The following TRMT13 variants were observed in gnomAD, a reference collection of about 807,000 sequenced individuals.
The protein encoded by TRMT13 is tRNA methyltransferase 13.
Under a neutral mutation model 55.9 loss-of-function variants are expected in TRMT13, and 45 were observed. That is an observed-to-expected ratio of 0.80 (90% CI 0.63 to 1.03). The LOEUF is 1.03. Among genes scored for constraint, TRMT13 ranks in the 50% least tolerant of loss-of-function variants. TRMT13 has a pLI of 0.00. For synonymous variants in TRMT13, 183 were observed against 196.3 expected, an observed-to-expected ratio of 0.93 and a Z score of 0.57; for missense variants, 513 against 563.9, an observed-to-expected ratio of 0.91 and a Z score of 0.91.
Position 100,143,125 on chromosome 1 carries a change from C to A in TRMT13, c.670-12C>A. On this transcript the variant is annotated splice_polypyrimidine_tract_variant and intron_variant, in intron 7 of 10. Transcript: ENST00000370141. ...AAGAAGTGATTATTACAATAATGTTCTGTTTGTGCAGGTGGATGGAAAACA... is the reference window on the plus strand; with the variant it reads ...AAGAAGTGATTATTACAATAATGTTATGTTTGTGCAGGTGGATGGAAAACA... 6.3e-7 allele frequency: 1 copy of A among 1,583,932 alleles called. No individual in the cohort carries two copies. Among genetic ancestry groups the A allele is most frequent in the Non-Finnish European group, 8.6e-7 (1 of 1,156,766 alleles).
Position 100,149,229 on chromosome 1 carries a change from C to T in TRMT13, c.*409C>T, listed in dbSNP as rs561592859. 16 of 1,494,362 alleles carry T rather than the reference C, an allele frequency of 1.1e-5. No individual in the cohort carries two copies. The highest frequency in any genetic ancestry group is 8.9e-7 in the Non-Finnish European group (1 of 1,128,528). The allele number at this position is 1,494,362 out of a possible 1,614,324, so 92.6% of individuals were successfully genotyped here. ...TTCAAGAGGTAGTGATTGATTGTAA[C>T]AAGGGCCAATCTGAGAATTTGACTT... On this transcript the variant is annotated 3_prime_UTR_variant, in exon 11 of 11. Transcript: ENST00000370141.
rs1480462403 is a variant in TRMT13 at position 100,133,210 on chromosome 1, A to C, written c.42A>C (p.Pro14=). The stretch of plus-strand genomic sequence containing the variant: ...CGTCGCCGCACGCGCCTGGTTTTCC[A>C]GCTGAGGGTAGATGCGGTTACTATG... ...SATSPHAPGF[P]AEGRCGYYVE... The change falls in exon 1 of 11, where the codon CCA becomes CCC. Residue 14 remains proline (P), a synonymous_variant. Transcript: ENST00000370141. The C allele has an allele frequency of 1.2e-6, 2 of 1,614,184 alleles. No individual in the cohort carries two copies. Among genetic ancestry groups the C allele is most frequent in the Non-Finnish European group, 1.7e-6 (2 of 1,180,032 alleles).
chr1:100,146,120 C>A (rs1455340637), intron 9 of TRMT13, among the ~76,000 whole-genome samples: 1 of 152,170 alleles, frequency 6.6e-6, no homozygotes, highest in African/African-American at 2.4e-5. Flanking sequence ...CACCTACTCA[C>A]CCAAACAAAA....
At chr1:100,147,205 T>A (rs1657380267) in intron 9 of TRMT13, among the ~76,000 whole-genome samples, 1 of 152,222 alleles carries the variant, frequency 6.6e-6, no homozygotes, top group Non-Finnish European at 1.5e-5. Context: ...TATTTAGTTT[T>A]AAAATATACT....
Position 100,150,228 on chromosome 1 carries a change from T to C in TRMT13, c.*1408T>C, listed in dbSNP as rs984792132. 7 of 152,152 alleles carry C rather than the reference T, an allele frequency of 4.6e-5. No homozygotes were observed. Among genetic ancestry groups the C allele is most frequent in the Admixed American group, 2.0e-4 (3 of 15,272 alleles). The allele number at this position is 152,152 out of a possible 1,614,324, so 9.4% of individuals were successfully genotyped here. A position where few individuals can be genotyped will look rare whatever the true frequency, so the allele number is the denominator to read the frequency against. On this transcript the variant is annotated 3_prime_UTR_variant, in exon 11 of 11. Coordinates refer to ENST00000370141, the MANE Select transcript of TRMT13 (RefSeq NM_019083.3). ...AACTAGTAATAGTAGTGGTAGTAAC[T>C]CGTGAATCTTTTTAATAACATAATA...
chr1:100,135,956 A>G (rs975949670), intron 1 of TRMT13, among the ~76,000 whole-genome samples: 3 of 152,186 alleles, frequency 2.0e-5, no homozygotes, highest in Admixed American at 6.5e-5. Context: ...TTGTGTTACA[A>G]TTGCCTACAG....
Position 100,147,908 on chromosome 1 carries a change from T to C in TRMT13, c.832T>C (p.Cys278Arg). 1 of 1,601,364 alleles carries C rather than the reference T, an allele frequency of 6.2e-7. No homozygotes were observed. ...CGMATDLALR[C>R]LVETYAASFE... is the part of the protein sequence containing the mutation. ...TGTGTTTGCAGATCTTGCATTACGATGTTTGGTTGAAACCTATGCTGCCAG... is the reference window on the plus strand; with the variant it reads ...TGTGTTTGCAGATCTTGCATTACGACGTTTGGTTGAAACCTATGCTGCCAG... The change falls in exon 10 of 11, where the codon TGT becomes CGT. Residue 278 changes from cysteine (C) to arginine (R), a missense_variant. Cys to Arg is a radical substitution (Grantham distance 180, BLOSUM62 -3). Around this residue, in one of 3 missense-constraint regions of TRMT13, gnomAD observed 209 missense variants for 255.8 expected, o/e 0.82. Coordinates refer to ENST00000370141, the MANE Select transcript of TRMT13 (RefSeq NM_019083.3).
intron 9 of TRMT13, among the ~76,000 whole-genome samples, chr1:100,144,766 C>T (rs1557913157): frequency 2.0e-5 from 3 of 152,108 alleles, no homozygotes; most frequent in African/African-American, 7.2e-5. Flanking sequence ...TAATAATTTA[C>T]CGGGTTGCAT....
At position 100,147,981 on chromosome 1, in the gene TRMT13, A is replaced by T; in HGVS notation, c.905A>T (p.Asp302Val). 6.2e-7 allele frequency: 1 copy of T among 1,614,164 alleles called. No homozygotes were observed. The highest frequency in any genetic ancestry group is 8.5e-7 in the Non-Finnish European group (1 of 1,180,034). Residue 302 changes from aspartate to valine, a missense_variant, in exon 10 of 11, where the codon GAT (aspartate) becomes GTT (valine). Coordinates refer to ENST00000370141, the MANE Select transcript of TRMT13 (RefSeq NM_019083.3). ...CCTTTAGCCAAACGCATAAAGAATG[A>T]TAAAACAGAAAAAGAAATTTACACT... is the stretch of plus-strand genomic sequence containing the variant. ...EEPLAKRIKN[D>V]KTEKEIYTLA...
intron 8 of TRMT13, among the ~76,000 whole-genome samples, chr1:100,143,501 T>C (rs1288887789): frequency 6.6e-6 from 1 of 152,212 alleles, no homozygotes; most frequent in Non-Finnish European, 1.5e-5. Context: ...TAAATTAATT[T>C]TGAGTCTGTT....
At chr1:100,147,615 T>G (rs1281478193) in intron 9 of TRMT13, among the ~76,000 whole-genome samples, 1 of 152,176 alleles carries the variant, frequency 6.6e-6, no homozygotes, top group Non-Finnish European at 1.5e-5. Flanking sequence ...ATTCAGGTAG[T>G]TGGGTAAAAG....
chr1:100,143,946 A>G, intron 8 of TRMT13, 123 bp from the exon 9 acceptor site: 1 of 739,164 alleles, frequency 1.4e-6, no homozygotes. Flanking sequence ...CCATAAAGTG[A>G]TAATTTTTGT....
At chr1:100,137,128 G>A in intron 3 of TRMT13, 43 bp downstream of exon 3, 2 of 1,489,676 alleles carry the variant, frequency 1.3e-6, no homozygotes, top group Non-Finnish European at 1.9e-6. Context: ...AATGTGGTAT[G>A]TAATGCCTTG....
In TRMT13 at chr1:100,133,200, C is replaced by T. The variant is rs188042750; in HGVS notation, c.32C>T (p.Pro11Leu). 19 of 1,614,108 alleles carry T rather than the reference C, an allele frequency of 1.2e-5. 1 individual carries two copies. In the Admixed American group the frequency reaches 1.7e-4, roughly 14 times the overall value. The part of the protein sequence containing the change: MATSATSPHA[P>L]GFPAEGRCGY... ...ACCTCCGCGACGTCGCCGCACGCGCCTGGTTTTCCAGCTGAGGGTAGATGC... is the reference window on the plus strand; with the variant it reads ...ACCTCCGCGACGTCGCCGCACGCGCTTGGTTTTCCAGCTGAGGGTAGATGC... Residue 11 changes from proline to leucine, a missense_variant, in exon 1 of 11, where the codon CCT (proline) becomes CTT (leucine). Pro to Leu is a moderately conservative substitution (Grantham distance 98). Around this residue, in one of 3 missense-constraint regions of TRMT13, gnomAD observed 298 missense variants for 290.3 expected, o/e 1.03. Transcript: ENST00000370141.
rs774156521 is a variant in TRMT13, at chr1:100,143,236, T to C, written c.742+27T>C. The C allele has an allele frequency of 2.8e-6, 4 of 1,452,510 alleles. No individual in the cohort carries two copies. In the Admixed American group the frequency reaches 6.9e-5, roughly 25 times the overall value. 90.0% of individuals were successfully genotyped at this position (1,452,510 alleles called of 1,614,324 possible). A position where few individuals can be genotyped will look rare whatever the true frequency, so the allele number is the denominator to read the frequency against. On this transcript the variant is annotated intron_variant, in intron 8 of 10. Transcript: ENST00000370141. Reference sequence around the variant, plus strand: ...TAAGTTGTGTAACTTTCCATTGGTCTACAAATAAATCATAACTGTTTTAAA... The same window carrying C: ...TAAGTTGTGTAACTTTCCATTGGTCCACAAATAAATCATAACTGTTTTAAA...
chr1:100,143,262 C>A, intron 8 of TRMT13, 53 bp downstream of exon 8: 1 of 1,204,192 alleles, frequency 8.3e-7, no homozygotes, highest in Non-Finnish European at 1.2e-6. Flanking sequence ...CTGTTTTAAA[C>A]TCTGAGGTTG....
chr1:100,149,176 TTTTA>T lies in TRMT13; in HGVS notation c.*361_*364del, dbSNP rs1657693758. ...ATTTTGGAAATTTATCTTCCTTTGA[TTTTA>T]TTTAATATTTTTTATTTCTTAAGTT... On this transcript the variant is annotated 3_prime_UTR_variant, in exon 11 of 11. Coordinates refer to ENST00000370141, the MANE Select transcript of TRMT13 (RefSeq NM_019083.3). The T allele has an allele frequency of 6.5e-7, 1 of 1,539,224 alleles. No homozygotes were observed. The highest frequency in any genetic ancestry group is 8.7e-7 in the Non-Finnish European group (1 of 1,148,606).
At position 100,140,260 on chromosome 1, in the gene TRMT13, G is replaced by C; in HGVS notation, c.394+9G>C. 2 of 1,610,052 alleles carry C rather than the reference G, an allele frequency of 1.2e-6. No homozygotes were observed. The highest frequency in any genetic ancestry group is 1.7e-4 in the Middle Eastern group (1 of 6,032). ...GAGAAAAGCAAGTGAAGGTAAGACT[G>C]CCTAAAGTTGCAAGTTCAATTATTT... On this transcript the variant is annotated intron_variant, in intron 5 of 10. Coordinates refer to ENST00000370141, the MANE Select transcript of TRMT13 (RefSeq NM_019083.3).
Position 100,149,143 on chromosome 1 carries a change from T to G in TRMT13, c.*323T>G. ...CAACACATAATTAGCGTATTTCTGT[T>G]TGTATTAATTTTGGAAATTTATCTT... On this transcript the variant is annotated 3_prime_UTR_variant, in exon 11 of 11. Coordinates refer to ENST00000370141, the MANE Select transcript of TRMT13 (RefSeq NM_019083.3). 1 of 1,564,382 alleles carries G rather than the reference T, an allele frequency of 6.4e-7. No individual in the cohort carries two copies. The highest frequency in any genetic ancestry group is 1.2e-5 in the South Asian group (1 of 81,710).
Sources: allele counts gnomAD v4.1 joint callset (sites outside exome capture counted in the v4.1 genomes callset), GRCh38; gene constraint gnomAD v4.1.1; regional missense constraint gnomAD v4.1.1; transcripts MANE v1.5; gene names NCBI Gene and HGNC (gene_info 2026-07-23, HGNC 2026-07-21).